PLSCR4: variants seen among roughly 807,000 people sequenced by gnomAD.
The protein encoded by PLSCR4 is phospholipid scramblase 4.
A neutral mutation model predicts 36.3 loss-of-function variants in PLSCR4; 25 were observed. The observed-to-expected ratio is 0.69, with a 90% CI of 0.50 to 0.96. The LOEUF (loss-of-function observed/expected upper bound fraction) is 0.96. Ranked by LOEUF, PLSCR4 falls within the 40% of genes least tolerant of loss-of-function variation. The probability of loss-of-function intolerance (pLI) is 0.00; values close to 1 mark genes in which losing one functional copy is unlikely to be tolerated. For synonymous variants in PLSCR4, 122 were observed against 132.9 expected (o/e 0.92, Z 0.56); for missense variants, 408 against 414.7 (o/e 0.98, Z 0.14).
intron 1 of PLSCR4, among the ~76,000 whole-genome samples, chr3:146,236,565 T>C (rs573864310): frequency 2.6e-5 from 4 of 152,064 alleles, no homozygotes; most frequent in Admixed American, 1.3e-4. Flanking sequence ...GTAAGTCTTA[T>C]GAGATTTGAT....
intron 6 of PLSCR4, among the ~76,000 whole-genome samples, chr3:146,198,486 G>A (rs531555355): frequency 1.4e-4 from 21 of 152,068 alleles, no homozygotes; most frequent in African/African-American, 4.6e-4. Context: ...CTGCAGCCTC[G>A]ATATCCTGGG....
chr3:146,240,018 A>AAAAT (rs1332271532), intron 1 of PLSCR4, among the ~76,000 whole-genome samples: 3 of 152,216 alleles, frequency 2.0e-5, no homozygotes, highest in East Asian at 1.9e-4. Context: ...AAAAGCAACA[A>AAAAT]AAATAAATAA....
intron 3 of PLSCR4, among the ~76,000 whole-genome samples, chr3:146,220,459 C>T (rs2108288818): frequency 6.6e-6 from 1 of 152,262 alleles, no homozygotes; most frequent in East Asian, 1.9e-4. Flanking sequence ...CTTTTCTTTG[C>T]TTGTGAAATT....
chr3:146,246,012 A>AGTGGGCTCAAT (rs2036322817), intron 1 of PLSCR4, among the ~76,000 whole-genome samples: 1 of 152,090 alleles, frequency 6.6e-6, no homozygotes, highest in East Asian at 1.9e-4. Flanking sequence ...ATTAAAGTCC[A>AGTGGGCTCAAT]ATGACTGAAG....
chr3:146,195,715 G>A (rs2033699924), intron 7 of PLSCR4, among the ~76,000 whole-genome samples: 1 of 152,070 alleles, frequency 6.6e-6, no homozygotes, highest in African/African-American at 2.4e-5. Flanking sequence ...TTAATATACG[G>A]CCAGATACCA....
intron 1 of PLSCR4, among the ~76,000 whole-genome samples, chr3:146,236,316 G>T (rs1455843248): frequency 6.6e-6 from 1 of 152,092 alleles, no homozygotes; most frequent in African/African-American, 2.4e-5. Context: ...AGGAGAGCAA[G>T]CATGCAAAAA....
At chr3:146,213,657 T>C (rs1164906685) in intron 3 of PLSCR4, among the ~76,000 whole-genome samples, 1 of 152,164 alleles carries the variant, frequency 6.6e-6, no homozygotes, top group East Asian at 1.9e-4. Flanking sequence ...GCCTTAGCTT[T>C]ATTTTGTGGA....
intron 3 of PLSCR4, among the ~76,000 whole-genome samples, chr3:146,207,285 C>T (rs551603812): frequency 6.6e-6 from 1 of 152,184 alleles, no homozygotes; most frequent in South Asian, 2.1e-4. Flanking sequence ...TTGTACATAT[C>T]TTCATCATCG....
chr3:146,226,171 G>A (rs2035467546), intron 1 of PLSCR4, among the ~76,000 whole-genome samples: 1 of 152,218 alleles, frequency 6.6e-6, no homozygotes, highest in Admixed American at 6.5e-5. Context: ...GGAACCCTAA[G>A]TTCCTGCCAA....
intron 3 of PLSCR4, among the ~76,000 whole-genome samples, chr3:146,218,361 T>C (rs1383523256): frequency 6.6e-6 from 1 of 151,864 alleles, no homozygotes; most frequent in Non-Finnish European, 1.5e-5. Context: ...CTTCAATGAG[T>C]TAATGATTAA....
intron 1 of PLSCR4, among the ~76,000 whole-genome samples, chr3:146,237,556 A>G (rs563166496): frequency 6.6e-6 from 1 of 152,198 alleles, no homozygotes; most frequent in South Asian, 2.1e-4. Flanking sequence ...AAACTAAATT[A>G]TAAATCAACA....
Position 146,200,739 on chromosome 3 carries a change from T to C in PLSCR4, c.397+296A>G, listed in dbSNP as rs867617931. On this transcript the variant is annotated intron_variant, in intron 5 of 8. Transcript: ENST00000354952. ...CATTTAGTCTCTTGGCTCCTTTTTTTACTCATCTTTGAAAGGTAAATGTGG... is the reference window on the plus strand; with the variant it reads ...CATTTAGTCTCTTGGCTCCTTTTTTCACTCATCTTTGAAAGGTAAATGTGG... 1.6e-4 allele frequency among the ~76,000 whole-genome samples: 25 copies of C among 152,172 alleles called. No individual in the cohort carries two copies. The Middle Eastern group carries it at 0.01, about 62-fold the overall frequency.
intron 4 of PLSCR4, among the ~76,000 whole-genome samples, chr3:146,204,711 TAAAC>T (rs969881997): frequency 1.3e-5 from 2 of 152,088 alleles, no homozygotes; most frequent in African/African-American, 4.8e-5. Flanking sequence ...AATATTTAAA[TAAAC>T]AAAGCTATAC....
At chr3:146,210,722 C>CGTA (rs1576461418) in intron 3 of PLSCR4, among the ~76,000 whole-genome samples, 1 of 151,996 alleles carries the variant, frequency 6.6e-6, no homozygotes, top group East Asian at 1.9e-4. Flanking sequence ...GAAAGAACAC[C>CGTA]CATACCCATT....
In PLSCR4 at chr3:146,199,855, T is replaced by A; in HGVS notation, c.582A>T (p.Arg194Ser). 6.2e-7 allele frequency: 1 copy of A among 1,613,472 alleles called. No individual in the cohort carries two copies. Among genetic ancestry groups the A allele is most frequent in the South Asian group, 1.1e-5 (1 of 91,070 alleles). Reference sequence around the variant, plus strand: ...GGCAACAGAAGCAACAGCAGGTGCATCTGAAGGGTCTCTGCATTGTCATGA... The same window carrying A: ...GGCAACAGAAGCAACAGCAGGTGCAACTGAAGGGTCTCTGCATTGTCATGA... ...REIMTMQRPF[R>S]CTCCCFCCPS... The change falls in exon 6 of 9, where the codon AGA becomes AGT. Residue 194 changes from arginine (R) to serine (S), a missense_variant. Arg to Ser is a moderately radical substitution (Grantham distance 110). Transcript: ENST00000354952.
rs1440198355 is a variant in PLSCR4 at position 146,199,915 on chromosome 3, G to A, written c.522C>T (p.Phe174=). 10 of 1,613,544 alleles carry A rather than the reference G, an allele frequency of 6.2e-6. No individual in the cohort carries two copies. The highest frequency in any genetic ancestry group is 3.3e-5 in the South Asian group (3 of 91,068). ...CCATACAATCAGTGACCCGGAGGACGAAGGGCCTTAGTGTCCGATAGGCAT... is the reference window on the plus strand; with the variant it reads ...CCATACAATCAGTGACCCGGAGGACAAAGGGCCTTAGTGTCCGATAGGCAT... ...TRNAYRTLRP[F]VLRVTDCMGR... is the part of the protein sequence containing the mutation. The change falls in exon 6 of 9, where the codon TTC becomes TTT. Residue 174 remains phenylalanine, a synonymous_variant. Transcript: ENST00000354952.
intron 4 of PLSCR4, among the ~76,000 whole-genome samples, chr3:146,204,116 A>C (rs892636276): frequency 6.6e-6 from 1 of 152,054 alleles, no homozygotes; most frequent in African/African-American, 2.4e-5. Flanking sequence ...GGAACTCAAT[A>C]ATATGTGTCT....
At chr3:146,226,989 A>G (rs1236038369) in intron 1 of PLSCR4, among the ~76,000 whole-genome samples, 1 of 152,146 alleles carries the variant, frequency 6.6e-6, no homozygotes, top group Non-Finnish European at 1.5e-5. Context: ...TCCCTTTCTT[A>G]TAAAATTTTA....
chr3:146,241,892 A>G (rs2036164631), intron 1 of PLSCR4, among the ~76,000 whole-genome samples: 1 of 152,248 alleles, frequency 6.6e-6, no homozygotes, highest in African/African-American at 2.4e-5. Context: ...TAAAAATAAA[A>G]CAACACATTT....
Sources: allele counts gnomAD v4.1 joint callset (sites outside exome capture counted in the v4.1 genomes callset), GRCh38; gene constraint gnomAD v4.1.1; transcripts MANE v1.5; gene names NCBI Gene and HGNC (gene_info 2026-07-23, HGNC 2026-07-21).